Variants in ADCY5 observed in about 807,000 individuals in gnomAD.
The protein encoded by ADCY5 is adenylate cyclase type 5.
A neutral mutation model predicts 119.7 loss-of-function variants in ADCY5; 30 were observed. The observed-to-expected ratio is 0.25, with a 90% confidence interval of 0.19 to 0.34. The LOEUF (loss-of-function observed/expected upper bound fraction) is 0.34, where lower values mean the gene tolerates loss of function less well. Ranked by LOEUF, ADCY5 falls within the 10% of genes least tolerant of loss-of-function variation. ADCY5 has a pLI of 1.00. For missense variants in ADCY5, 1,324 were observed against 1,775.2 expected, an observed-to-expected ratio of 0.75 and a Z score of 4.57; for synonymous variants, 753 against 762.2, an observed-to-expected ratio of 0.99 and a Z score of 0.20.
Position 123,408,345 on chromosome 3 carries a change from G to GTT in ADCY5, c.1134+39065_1134+39066dup, listed in dbSNP as rs1189685498. On this transcript the variant is annotated intron_variant, in intron 1 of 20. Transcript: ENST00000462833. ...TTAGCATACAAATGTTACGTTTTTT[G>GTT]TTTTTTTTTTTTTTTTTAAAGGCAG... Among the ~76,000 whole-genome samples, 205 of 140,658 alleles carry GTT rather than the reference G, an allele frequency of 1.5e-3. 1 individual carries two copies. The highest frequency in any genetic ancestry group is 4.6e-3 in the African/African-American group (179 of 38,810). The allele number at this position is 140,658 out of a possible 152,430, so 92.3% of individuals were successfully genotyped here.
intron 1 of ADCY5, among the ~76,000 whole-genome samples, chr3:123,356,820 C>T (rs9882930): frequency 0.017 from 2,526 of 152,130 alleles, 73 homozygotes; most frequent in African/African-American, 0.058. Flanking sequence ...TGCACTTGCC[C>T]TATGACCCAG....
intron 13 of ADCY5, among the ~76,000 whole-genome samples, 194 bp downstream of exon 13, chr3:123,303,872 AG>A (rs759095952): frequency 0.058 from 8,139 of 140,816 alleles, 762 homozygotes; most frequent in East Asian, 0.48. Context: ...AGAAGAGAAG[AG>A]AAGAGAAGAG....
chr3:123,367,817 T>G (rs1943499640), intron 1 of ADCY5: 1 of 1,496,414 alleles, frequency 6.7e-7, no homozygotes, highest in East Asian at 2.5e-5. Context: ...ATTCCTCACC[T>G]CTGGGGCTCA....
At chr3:123,305,512 C>A (rs535807592) in intron 12 of ADCY5, among the ~76,000 whole-genome samples, 1 of 152,296 alleles carries the variant, frequency 6.6e-6, no homozygotes, top group East Asian at 1.9e-4. Flanking sequence ...TGTACAGCAT[C>A]CATGAGGGCC....
intron 5 of ADCY5, 24 bp from the exon 6 acceptor site, chr3:123,328,826 C>T: frequency 6.2e-7 from 1 of 1,610,702 alleles, no homozygotes. Context: ...AGGAGTAAAG[C>T]TGGGAGAAGG....
intron 5 of ADCY5, 124 bp downstream of exon 5, chr3:123,330,765 T>G: frequency 7.5e-7 from 1 of 1,335,686 alleles, no homozygotes; most frequent in Non-Finnish European, 1.0e-6. Flanking sequence ...GCTGGGCACC[T>G]TTTGGCAGAC....
At chr3:123,333,438 T>C (rs1451189165) in intron 3 of ADCY5, among the ~76,000 whole-genome samples, 1 of 152,206 alleles carries the variant, frequency 6.6e-6, no homozygotes, top group Non-Finnish European at 1.5e-5. Context: ...GGCCTGGAGC[T>C]CCCTGGGCCT....
chr3:123,383,143 A>G (rs60870039), intron 1 of ADCY5, among the ~76,000 whole-genome samples: 71,692 of 151,382 alleles, frequency 0.47, 17,689 homozygotes, highest in East Asian at 0.68. Flanking sequence ...CCGTCCTGGT[A>G]GGGGTGAGTG....
At chr3:123,403,484 G>A (rs1194292526) in intron 1 of ADCY5, among the ~76,000 whole-genome samples, 1 of 152,048 alleles carries the variant, frequency 6.6e-6, no homozygotes, top group East Asian at 1.9e-4. Flanking sequence ...TGTGTTGCCT[G>A]GGCCTGCTTT....
chr3:123,327,600 G>A lies in ADCY5; in HGVS notation c.1947+18C>T, dbSNP rs766315433. ...GAGGAAGGGAGCCCCTCAGCCCCCC[G>A]GCCCCCAGCCCACAGACCCGCTTCT... On this transcript the variant is annotated intron_variant, in intron 7 of 20. Coordinates refer to ENST00000462833, the MANE Select transcript of ADCY5 (RefSeq NM_183357.3). 18 of 1,608,616 alleles carry A rather than the reference G, an allele frequency of 1.1e-5. No individual in the cohort carries two copies. The highest frequency in any genetic ancestry group is 2.7e-5 in the African/African-American group (2 of 74,798).
intron 1 of ADCY5, among the ~76,000 whole-genome samples, chr3:123,423,243 G>A (rs998553851): frequency 2.6e-5 from 4 of 152,216 alleles, no homozygotes; most frequent in African/African-American, 9.6e-5. Flanking sequence ...GCCCAAGCTG[G>A]GCACAAGCTC....
intron 12 of ADCY5, among the ~76,000 whole-genome samples, chr3:123,309,280 A>G (rs77935235): frequency 0.024 from 3,624 of 152,352 alleles, 49 homozygotes; most frequent in Non-Finnish European, 0.035. Flanking sequence ...GGAGCTAATA[A>G]AAGATGCAGT....
chr3:123,319,649 C>T, intron 10 of ADCY5, 25 bp downstream of exon 10: 1 of 1,611,086 alleles, frequency 6.2e-7, no homozygotes, highest in Non-Finnish European at 8.5e-7. Flanking sequence ...GCACAGGGGC[C>T]TCCTTCCCAC....
At chr3:123,312,495 C>G (rs1376369931) in intron 12 of ADCY5, among the ~76,000 whole-genome samples, 7 of 152,030 alleles carry the variant, frequency 4.6e-5, no homozygotes, top group Non-Finnish European at 8.8e-5. Flanking sequence ...CTATCAATTT[C>G]CAAAACCCTT....
intron 1 of ADCY5, among the ~76,000 whole-genome samples, chr3:123,407,918 G>A (rs958532846): frequency 2.0e-5 from 3 of 151,692 alleles, no homozygotes; most frequent in Non-Finnish European, 2.9e-5. Flanking sequence ...GAGGAAATTC[G>A]GAGTGACTAC....
chr3:123,328,859 G>C, intron 5 of ADCY5, 57 bp from the exon 6 acceptor site: 1 of 1,558,040 alleles, frequency 6.4e-7, no homozygotes. Flanking sequence ...CACACAGAAT[G>C]GGGGTGAGGC....
At chr3:123,428,460 C>G (rs994882548) in intron 1 of ADCY5, among the ~76,000 whole-genome samples, 4 of 152,188 alleles carry the variant, frequency 2.6e-5, no homozygotes, top group Admixed American at 1.3e-4. Flanking sequence ...ACAGTGTCTC[C>G]ATCTCCTCGC....
At position 123,448,050 on chromosome 3, in the gene ADCY5, T is replaced by C; in HGVS notation, c.496A>G (p.Lys166Glu). 8.1e-7 allele frequency: 1 copy of C among 1,236,702 alleles called. No homozygotes were observed. Among genetic ancestry groups the C allele is most frequent in the African/African-American group, 1.6e-5 (1 of 62,246 alleles). 76.6% of individuals were successfully genotyped at this position (1,236,702 alleles called of 1,614,324 possible). ...VEVGLEERRG[K>E]GRAADELEAG... is the part of the protein sequence containing the mutation. ...TCCAGCTCGTCGGCCGCGCGCCCCTTGCCCCGCCGCTCCTCCAGACCCACC... is the reference window on the plus strand; with the variant it reads ...TCCAGCTCGTCGGCCGCGCGCCCCTCGCCCCGCCGCTCCTCCAGACCCACC... Residue 166 changes from lysine to glutamate, a missense_variant, in exon 1 of 21, where the codon AAG becomes GAG. Transcript: ENST00000462833.
rs376956330 is a variant in ADCY5 at position 123,319,768 on chromosome 3, C to G, written c.2162G>C (p.Gly721Ala). ...AATGCTCCTGGCGTCAATGGCACGG[C>G]CCAGAAACTCATCCACTTCATCCTC... Reference protein sequence around the residue: ...NPEDEVDEFLGRAIDARSIDR... With the variant: ...NPEDEVDEFLARAIDARSIDR... Residue 721 changes from glycine (G) to alanine (A), a missense_variant, in exon 10 of 21, where the codon GGC (glycine) becomes GCC (alanine). By Grantham distance (60) the Gly-to-Ala change is moderately conservative. This residue lies in a region of ADCY5 where 424 missense variants were observed against 546.8 expected (regional missense o/e 0.78). Transcript: ENST00000462833. 39 of 1,614,128 alleles carry G rather than the reference C, an allele frequency of 2.4e-5. No homozygotes were observed. The highest frequency in any genetic ancestry group is 3.1e-5 in the Non-Finnish European group (36 of 1,180,046).
Sources: gnomAD v4.1 joint callset for allele counts (sites outside exome capture counted in the v4.1 genomes callset) on GRCh38, gnomAD v4.1.1 for gene constraint, gnomAD v4.1.1 regional missense constraint, MANE v1.5 for transcripts, NCBI Gene and HGNC (gene_info 2026-07-23, HGNC 2026-07-21) for gene names.